The following ADAM8 variants were observed in gnomAD, a reference collection of about 807,000 sequenced individuals.
ADAM8 encodes the protein disintegrin and metalloproteinase domain-containing protein 8.
Under a neutral mutation model 102.4 loss-of-function variants are expected in ADAM8, and 104 were observed. The ratio of observed to expected loss-of-function variants is 1.02; its 90% CI spans 0.87 to 1.20. The LOEUF (loss-of-function observed/expected upper bound fraction) is 1.20. Among genes scored for constraint, ADAM8 ranks in the 50% most tolerant of loss-of-function variants. The probability of loss-of-function intolerance (pLI) is 0.00; values close to 1 mark genes in which losing one functional copy is unlikely to be tolerated. For missense variants in ADAM8, 1,132 were observed against 1,159.0 expected, an observed-to-expected ratio of 0.98 and a Z score of 0.34; for synonymous variants, 517 against 485.2, an observed-to-expected ratio of 1.07 and a Z score of -0.86.
At position 133,267,243 on chromosome 10, in the gene ADAM8, AG is replaced by A; in HGVS notation, c.2319+108del. 3 of 1,249,160 alleles carry A rather than the reference AG, an allele frequency of 2.4e-6. No individual in the cohort carries two copies. The East Asian group carries it at 7.5e-5, about 31-fold the overall frequency. 77.4% of individuals were successfully genotyped at this position (1,249,160 alleles called of 1,614,324 possible). A position where few individuals can be genotyped will look rare whatever the true frequency, so the allele number is the denominator to read the frequency against. Reference sequence around the variant, plus strand: ...GGCTAACCAGCCTTCTGTGTACAGCAGGGGCCACCTGGGGATCCCTGGCCCC... The same window carrying A: ...GGCTAACCAGCCTTCTGTGTACAGCAGGGCCACCTGGGGATCCCTGGCCCC... On this transcript the variant is annotated intron_variant, in intron 21 of 22. Transcript: ENST00000445355.
At position 133,268,770 on chromosome 10, in the gene ADAM8, C is replaced by A; in HGVS notation, c.2041G>T (p.Ala681Ser). 6.2e-7 allele frequency: 1 copy of A among 1,610,878 alleles called. No individual in the cohort carries two copies. The highest frequency in any genetic ancestry group is 8.5e-7 in the Non-Finnish European group (1 of 1,179,832). ...CACCTGCTCAGGATGCGGCTCCGGG[C>A]TTTGCGGTAGACGATGATGCCTGCC... ...TLAGIIVYRK[A>S]RSRILSRNVA... The change falls in exon 19 of 23, where the codon GCC (alanine) becomes TCC (serine). Residue 681 changes from alanine to serine, a missense_variant. Coordinates refer to ENST00000445355, the MANE Select transcript of ADAM8 (RefSeq NM_001109.5).
At chr10:133,270,605 G>A in intron 15 of ADAM8, 95 bp from the exon 16 acceptor site, 1 of 1,542,846 alleles carries the variant, frequency 6.5e-7, no homozygotes, top group Non-Finnish European at 8.8e-7. Flanking sequence ...ACAACACGGT[G>A]CGCTTGAGCC....
intron 20 of ADAM8, 108 bp downstream of exon 20, chr10:133,267,821 C>T (rs1446842664): frequency 2.5e-5 from 28 of 1,103,890 alleles, no homozygotes; most frequent in East Asian, 1.3e-4. Context: ...CTGGCCTGTG[C>T]GTGAATTTAA....
chr10:133,265,413 C>G (rs182849265), intron 21 of ADAM8, among the ~76,000 whole-genome samples: 29 of 152,348 alleles, frequency 1.9e-4, no homozygotes, highest in Admixed American at 3.9e-4. Context: ...CCTGTCCAGA[C>G]CCCTTCTAGG....
chr10:133,265,382 C>T (rs553132583), intron 21 of ADAM8, among the ~76,000 whole-genome samples: 1 of 152,350 alleles, frequency 6.6e-6, no homozygotes, highest in South Asian at 2.1e-4. Flanking sequence ...ATCTCTCTGC[C>T]CCCTTCAGGC....
intron 1 of ADAM8, 61 bp downstream of exon 1, chr10:133,276,711 C>A: frequency 6.6e-7 from 1 of 1,515,966 alleles, no homozygotes; most frequent in South Asian, 1.2e-5. Context: ...CGCGTCGCGT[C>A]CTGCGGGGAG....
chr10:133,269,591 G>A (rs372523476), intron 17 of ADAM8, 62 bp from the exon 18 acceptor site: 46 of 1,452,368 alleles, frequency 3.2e-5, no homozygotes, highest in East Asian at 1.4e-4. Context: ...CGTGGGGGCC[G>A]TGCCTCCAGC....
rs1197259602 is a variant in ADAM8, at chr10:133,262,936, CA to C, written c.*219del. 4 of 671,392 alleles carry C rather than the reference CA, an allele frequency of 6.0e-6. 1 individual carries two copies. The highest frequency in any genetic ancestry group is 1.1e-5 in the Non-Finnish European group (4 of 371,982). The allele number at this position is 671,392 out of a possible 1,614,324, so 41.6% of individuals were successfully genotyped here. ...CTCATCCCAGCCTGGTGCCTGCAGA[CA>C]GCTGGGGCTACACGTGGCCAAGGCG... On this transcript the variant is annotated 3_prime_UTR_variant, in exon 23 of 23. Transcript: ENST00000445355.
At position 133,272,310 on chromosome 10, in the gene ADAM8, G is replaced by T. The variant is rs899837545; in HGVS notation, c.876-36C>A. On this transcript the variant is annotated intron_variant, in intron 9 of 22. Transcript: ENST00000445355. ...GAGTGACACAGATGCCCTGGACACG[G>T]CTCCCTCCCCACTTCCCTCCCACCC... The T allele has an allele frequency of 2.7e-6, 4 of 1,490,828 alleles. No homozygotes were observed. In the South Asian group the frequency reaches 3.9e-5, roughly 15 times the overall value. 92.3% of individuals were successfully genotyped at this position (1,490,828 alleles called of 1,614,324 possible).
In ADAM8 at chr10:133,267,973, G is replaced by T. The variant is rs566548471; in HGVS notation, c.2209C>A (p.Arg737=). 2.4e-6 allele frequency: 3 copies of T among 1,261,688 alleles called. No individual in the cohort carries two copies. Among genetic ancestry groups the T allele is most frequent in the East Asian group, 3.1e-5 (1 of 32,512 alleles). The allele number at this position is 1,261,688 out of a possible 1,614,324, so 78.2% of individuals were successfully genotyped here. Residue 737 remains arginine (R), a synonymous_variant, in exon 20 of 23, where the codon CGA becomes AGA. Coordinates refer to ENST00000445355, the MANE Select transcript of ADAM8 (RefSeq NM_001109.5). ...VPTTHPGQPA[R]HPASSVALKR... is the part of the protein sequence containing the mutation. ...AGAGCCACCGAGGAGGCCGGGTGTC[G>T]GGCGGGCTGGCCCGGGTGGGTGGTG...
Position 133,270,390 on chromosome 10 carries a change from C to A in ADAM8, c.1755G>T (p.Val585=). Reference sequence around the variant, plus strand: ...CTGGTCCACACCGGGTGCCCTCGGGCACTGGTTCATACGCAGTGCCATCCT... The same window carrying A: ...CTGGTCCACACCGGGTGCCCTCGGGAACTGGTTCATACGCAGTGCCATCCT... ...TTEDGTAYEP[V]PEGTRCGPEK... is the part of the protein sequence containing the mutation. Residue 585 remains valine, a synonymous_variant, in exon 16 of 23, where the codon GTG becomes GTT. Transcript: ENST00000445355. 1 of 1,592,510 alleles carries A rather than the reference C, an allele frequency of 6.3e-7. No individual in the cohort carries two copies. Among genetic ancestry groups the A allele is most frequent in the Non-Finnish European group, 8.6e-7 (1 of 1,163,534 alleles).
Position 133,273,245 on chromosome 10 carries a change from G to C in ADAM8, c.573+9C>G. On this transcript the variant is annotated intron_variant, in intron 6 of 22. Transcript: ENST00000445355. ...GGGCCAGCCAAACACAGGAGACAAG[G>C]GTGCTCACCCCGGGCCGAGGCCTGA... 6.2e-6 allele frequency: 10 copies of C among 1,602,024 alleles called. No homozygotes were observed. Among genetic ancestry groups the C allele is most frequent in the African/African-American group, 1.3e-5 (1 of 74,810 alleles).
intron 11 of ADAM8, 29 bp downstream of exon 11, chr10:133,271,777 C>T: frequency 6.2e-7 from 1 of 1,604,892 alleles, no homozygotes; most frequent in Non-Finnish European, 8.5e-7. Flanking sequence ...TCCAGCATAC[C>T]CTGGCTCTGC....
At chr10:133,273,110 T>C in intron 6 of ADAM8, 91 bp from the exon 7 acceptor site, 2 of 1,596,570 alleles carry the variant, frequency 1.3e-6, no homozygotes, top group Non-Finnish European at 1.7e-6. Context: ...CCAGCCCCTG[T>C]CCAGTGCTGG....
rs776562973 is a variant in ADAM8 at position 133,276,790 on chromosome 10, C to G, written c.28G>C (p.Gly10Arg). MRGLGLWLL[G>R]AMMLPAIAPS... ...CACTCACCAGGCAGCATCATCGCGC[C>G]CAGCAGCCAGAGCCCGAGGCCGCGC... Residue 10 changes from glycine to arginine, a missense_variant, in exon 1 of 23, where the codon GGC (glycine) becomes CGC (arginine). Gly to Arg is a moderately radical substitution (Grantham distance 125). Coordinates refer to ENST00000445355, the MANE Select transcript of ADAM8 (RefSeq NM_001109.5). The G allele has an allele frequency of 2.7e-5, 42 of 1,533,208 alleles. No homozygotes were observed. The highest frequency in any genetic ancestry group is 1.8e-6 in the Non-Finnish European group (2 of 1,142,402). 95.0% of individuals were successfully genotyped at this position (1,533,208 alleles called of 1,614,324 possible).
intron 2 of ADAM8, among the ~76,000 whole-genome samples, chr10:133,274,493 G>A (rs1273667222): frequency 1.2e-4 from 14 of 117,716 alleles, no homozygotes; most frequent in African/African-American, 4.4e-4. Flanking sequence ...GGAGGGCAGA[G>A]GGTGGGGGGC....
intron 2 of ADAM8, chr10:133,274,972 GGGGCCGGAAC>G (rs1295567380): frequency 2.7e-6 from 1 of 371,796 alleles, no homozygotes; most frequent in African/African-American, 2.1e-5. Context: ...GGACAGGGCT[GGGGCCGGAAC>G]TGCCCTCCCT....
rs1410519599 is a variant in ADAM8 at position 133,267,972 on chromosome 10, C to T, written c.2210G>A (p.Arg737Gln). 10 of 1,261,032 alleles carry T rather than the reference C, an allele frequency of 7.9e-6. No homozygotes were observed. The highest frequency in any genetic ancestry group is 1.0e-5 in the Non-Finnish European group (10 of 996,530). 78.1% of individuals were successfully genotyped at this position (1,261,032 alleles called of 1,614,324 possible). The stretch of plus-strand genomic sequence containing the variant: ...CAGAGCCACCGAGGAGGCCGGGTGT[C>T]GGGCGGGCTGGCCCGGGTGGGTGGT... The part of the protein sequence containing the change: ...VPTTHPGQPA[R>Q]HPASSVALKR... The change falls in exon 20 of 23, where the codon CGA becomes CAA. Residue 737 changes from arginine to glutamine, a missense_variant. By Grantham distance (43) the Arg-to-Gln change is conservative. Transcript: ENST00000445355.
At position 133,269,883 on chromosome 10, in the gene ADAM8, G is replaced by C. The variant is rs376093117; in HGVS notation, c.1863+14C>G. 2.5e-6 allele frequency: 4 copies of C among 1,612,380 alleles called. No individual in the cohort carries two copies. Among genetic ancestry groups the C allele is most frequent in the Non-Finnish European group, 3.4e-6 (4 of 1,179,744 alleles). On this transcript the variant is annotated intron_variant, in intron 17 of 22. Transcript: ENST00000445355. ...CCTCTGTGCAGGGGCCCTGTCCCGA[G>C]AGGCCACACATACCCCATGGTTGTG...
Sources: gnomAD v4.1 joint callset for allele counts (sites outside exome capture counted in the v4.1 genomes callset) on GRCh38, gnomAD v4.1.1 for gene constraint, MANE v1.5 for transcripts, NCBI Gene and HGNC (gene_info 2026-07-23, HGNC 2026-07-21) for gene names.